The following SCAPER variants were observed in gnomAD, a reference collection of about 807,000 sequenced individuals.
SCAPER encodes S-phase cyclin A associated protein in the ER.
In SCAPER, 98 loss-of-function variants were observed where a neutral mutation model predicts 182.2. That is an observed-to-expected ratio of 0.54 (90% CI 0.46 to 0.64). The LOEUF (loss-of-function observed/expected upper bound fraction) is 0.64, where lower values mean the gene tolerates loss of function less well. Ranked by LOEUF, SCAPER falls within the 30% of genes least tolerant of loss-of-function variation. The probability of loss-of-function intolerance (pLI) is 0.00; values close to 1 mark genes in which losing one functional copy is unlikely to be tolerated. For missense variants in SCAPER, 1,432 were observed against 1,690.0 expected, an observed-to-expected ratio of 0.85 and a Z score of 2.68; for synonymous variants, 605 against 564.6, an observed-to-expected ratio of 1.07 and a Z score of -1.01.
intron 24 of SCAPER, among the ~76,000 whole-genome samples, chr15:76,478,052 C>T (rs1206264454): frequency 6.6e-6 from 1 of 151,616 alleles, no homozygotes; most frequent in Non-Finnish European, 1.5e-5. Context: ...AAAGGCCATT[C>T]TACTTGAATA....
chr15:76,418,128 AC>A (rs2045785603), intron 26 of SCAPER, among the ~76,000 whole-genome samples: 1 of 152,184 alleles, frequency 6.6e-6, no homozygotes, highest in Non-Finnish European at 1.5e-5. Context: ...AGTGACCAAA[AC>A]AACAAGCAAA....
rs1261929405 is a variant in SCAPER, at chr15:76,401,148, A to G, written c.3467+3376T>C. Among the ~76,000 whole-genome samples, 13 of 152,228 alleles carry G rather than the reference A, an allele frequency of 8.5e-5. No homozygotes were observed. In the South Asian group the frequency reaches 2.3e-3, roughly 27 times the overall value. Reference sequence around the variant, plus strand: ...ATATGTATATGATATGTATATGTATATGATAATCTTATATCATATATAACA... The same window carrying G: ...ATATGTATATGATATGTATATGTATGTGATAATCTTATATCATATATAACA... On this transcript the variant is annotated intron_variant, in intron 27 of 31. Transcript: ENST00000563290.
At chr15:76,385,477 C>T (rs992490236) in intron 27 of SCAPER, among the ~76,000 whole-genome samples, 2 of 152,136 alleles carry the variant, frequency 1.3e-5, no homozygotes, top group African/African-American at 2.4e-5. Context: ...GAGAACATCC[C>T]ATTTTAGCCC....
chr15:76,725,506 A>T (rs1196562479), intron 17 of SCAPER, among the ~76,000 whole-genome samples: 1 of 152,098 alleles, frequency 6.6e-6, no homozygotes, highest in Non-Finnish European at 1.5e-5. Flanking sequence ...TACAAAAATT[A>T]AAAAATGCAC....
At chr15:76,457,395 T>TAC (rs2048822080) in intron 25 of SCAPER, among the ~76,000 whole-genome samples, 1 of 152,166 alleles carries the variant, frequency 6.6e-6, no homozygotes, top group African/African-American at 2.4e-5. Context: ...ACACATTGGG[T>TAC]TTAGGTCTAC....
intron 22 of SCAPER, among the ~76,000 whole-genome samples, chr15:76,592,824 C>T (rs1476831271): frequency 8.2e-6 from 1 of 121,952 alleles, no homozygotes; most frequent in Non-Finnish European, 2.0e-5. Flanking sequence ...CTTTGCAACC[C>T]GCAGACCAGG....
At chr15:76,499,094 A>C (rs1362111927) in intron 24 of SCAPER, among the ~76,000 whole-genome samples, 1 of 152,212 alleles carries the variant, frequency 6.6e-6, no homozygotes, top group Admixed American at 6.5e-5. Context: ...AATGACCTTA[A>C]GAATACAGTT....
chr15:76,549,088 C>A (rs2045536136), intron 23 of SCAPER, among the ~76,000 whole-genome samples: 1 of 152,074 alleles, frequency 6.6e-6, no homozygotes, highest in African/African-American at 2.4e-5. Context: ...AGAACTCAAA[C>A]AAATTTACAA....
chr15:76,747,380 T>C (rs918699907), intron 15 of SCAPER, among the ~76,000 whole-genome samples: 1 of 151,918 alleles, frequency 6.6e-6, no homozygotes, highest in East Asian at 1.9e-4. Flanking sequence ...CGTGCACCAG[T>C]AGTCCCAGCT....
chr15:76,620,244 G>C (rs1037993572), intron 22 of SCAPER, among the ~76,000 whole-genome samples: 13 of 152,118 alleles, frequency 8.5e-5, no homozygotes, highest in African/African-American at 2.9e-4. Context: ...CTAGAGCTTA[G>C]TTTCCCTAAT....
intron 21 of SCAPER, among the ~76,000 whole-genome samples, chr15:76,643,870 A>G (rs545333265): frequency 3.9e-4 from 59 of 152,302 alleles, no homozygotes; most frequent in African/African-American, 1.3e-3. Context: ...TTCCTCCCCT[A>G]AAACCAAGTG....
chr15:76,570,682 TA>T (rs1420266804), intron 23 of SCAPER, among the ~76,000 whole-genome samples: 1 of 151,952 alleles, frequency 6.6e-6, no homozygotes, highest in Non-Finnish European at 1.5e-5. Flanking sequence ...TATCATGACT[TA>T]CTTACTTTCA....
chr15:76,835,488 T>A (rs1419167539), intron 5 of SCAPER, among the ~76,000 whole-genome samples: 3 of 152,078 alleles, frequency 2.0e-5, no homozygotes, highest in African/African-American at 7.2e-5. Flanking sequence ...TCAATAAAAT[T>A]CAACATCACT....
chr15:76,765,538 C>T (rs1472365824), intron 12 of SCAPER, 25 bp downstream of exon 12: 1 of 1,601,526 alleles, frequency 6.2e-7, no homozygotes, highest in South Asian at 1.1e-5. Flanking sequence ...CTGTACTACA[C>T]ACCCAATATG....
At chr15:76,888,342 T>C (rs2073970736) in intron 1 of SCAPER, among the ~76,000 whole-genome samples, 1 of 152,148 alleles carries the variant, frequency 6.6e-6, no homozygotes, top group Non-Finnish European at 1.5e-5. Context: ...TTGACAGAAG[T>C]AGGCTTCGGA....
At chr15:76,529,172 T>C (rs961513308) in intron 23 of SCAPER, among the ~76,000 whole-genome samples, 2 of 152,144 alleles carry the variant, frequency 1.3e-5, no homozygotes, top group African/African-American at 2.4e-5. Flanking sequence ...GCCTCCCAAG[T>C]AGCTGGGATT....
intron 23 of SCAPER, among the ~76,000 whole-genome samples, chr15:76,567,702 T>C (rs1425779960): frequency 6.6e-6 from 1 of 152,214 alleles, no homozygotes; most frequent in Non-Finnish European, 1.5e-5. Flanking sequence ...TTGACCATTA[T>C]CCTACTGGTT....
At chr15:76,436,245 T>C (rs1439209590) in intron 25 of SCAPER, among the ~76,000 whole-genome samples, 1 of 152,114 alleles carries the variant, frequency 6.6e-6, no homozygotes, top group African/African-American at 2.4e-5. Flanking sequence ...TTTTTGTATT[T>C]TCATTAGAGA....
chr15:76,380,519 G>A (rs959543431), intron 28 of SCAPER: 2 of 152,046 alleles, frequency 1.3e-5, no homozygotes, highest in Non-Finnish European at 2.9e-5. Flanking sequence ...ATCTCAGAAT[G>A]GCAAAGTCCA....
Sources: gnomAD v4.1 joint callset for allele counts (sites outside exome capture counted in the v4.1 genomes callset) on GRCh38, gnomAD v4.1.1 for gene constraint, MANE v1.5 for transcripts, NCBI Gene and HGNC (gene_info 2026-07-23, HGNC 2026-07-21) for gene names.